TAF3: variants seen among roughly 807,000 people sequenced by gnomAD.
TAF3 encodes the protein transcription initiation factor TFIID subunit 3.
Under a neutral mutation model 80.6 loss-of-function variants are expected in TAF3, and 7 were observed. The observed-to-expected ratio is 0.09, with a 90% CI of 0.05 to 0.16. The LOEUF is 0.16. TAF3 is among the 10% of genes least tolerant of loss of function. TAF3 has a pLI of 1.00. For synonymous variants in TAF3, 444 were observed against 446.1 expected, an observed-to-expected ratio of 1.00 and a Z score of 0.06; for missense variants, 921 against 1,140.2, an observed-to-expected ratio of 0.81 and a Z score of 2.77.
At chr10:7,941,265 AT>A (rs2131206157) in intron 2 of TAF3, among the ~76,000 whole-genome samples, 1 of 152,338 alleles carries the variant, frequency 6.6e-6, no homozygotes, top group East Asian at 1.9e-4. Context: ...CCTCTCTAGT[AT>A]TTCTTTACTG....
chr10:7,884,403 TGAGA>T (rs1564356000), intron 2 of TAF3, among the ~76,000 whole-genome samples: 131 of 149,330 alleles, frequency 8.8e-4, no homozygotes, highest in Middle Eastern at 3.4e-3. Context: ...TTTTTTTTTT[TGAGA>T]TGGAGTTTTG....
At chr10:7,978,867 A>AT (rs1217070481) in intron 4 of TAF3, among the ~76,000 whole-genome samples, 2 of 152,178 alleles carry the variant, frequency 1.3e-5, no homozygotes, top group African/African-American at 4.8e-5. Flanking sequence ...CCTTTAGAGG[A>AT]ATAAGATTTG....
intron 2 of TAF3, among the ~76,000 whole-genome samples, chr10:7,908,373 T>C (rs1837625080): frequency 6.6e-6 from 1 of 152,176 alleles, no homozygotes; most frequent in Admixed American, 6.5e-5. Flanking sequence ...CATTAAAAAT[T>C]GGAAAGTCAT....
At chr10:7,855,970 A>G (rs1235829833) in intron 2 of TAF3, among the ~76,000 whole-genome samples, 3 of 151,926 alleles carry the variant, frequency 2.0e-5, no homozygotes, top group Non-Finnish European at 4.4e-5. Context: ...ATAGTTCTCT[A>G]CTAGTATTCT....
At chr10:7,821,530 G>A (rs1300018882) in intron 1 of TAF3, among the ~76,000 whole-genome samples, 1 of 152,192 alleles carries the variant, frequency 6.6e-6, no homozygotes, top group African/African-American at 2.4e-5. Flanking sequence ...TAAAAGAAAT[G>A]TTCTCAAGTT....
In TAF3 at chr10:8,003,356, G is replaced by C. The variant is rs564994344; in HGVS notation, c.2316-5722G>C. Among the ~76,000 whole-genome samples, 7 of 152,108 alleles carry C rather than the reference G, an allele frequency of 4.6e-5. No individual in the cohort carries two copies. The Middle Eastern group carries it at 0.014, about 296-fold the overall frequency. ...CCTTTACACTACAGTTTATATAATA[G>C]AGGGACATTAAAATACTTTAGCTCT... On this transcript the variant is annotated intron_variant, in intron 4 of 6. Coordinates refer to ENST00000344293, the MANE Select transcript of TAF3 (RefSeq NM_031923.4).
intron 2 of TAF3, among the ~76,000 whole-genome samples, chr10:7,836,842 A>G (rs1836856351): frequency 6.6e-6 from 1 of 152,262 alleles, no homozygotes; most frequent in Non-Finnish European, 1.5e-5. Context: ...AAATTAACAC[A>G]TCCCACATTA....
At chr10:7,832,768 T>C (rs1279854984) in intron 2 of TAF3, among the ~76,000 whole-genome samples, 1 of 152,224 alleles carries the variant, frequency 6.6e-6, no homozygotes, top group African/African-American at 2.4e-5. Flanking sequence ...CAGGCTGGTC[T>C]GAAACCCCTG....
intron 2 of TAF3, among the ~76,000 whole-genome samples, chr10:7,828,082 G>A (rs938759189): frequency 6.6e-6 from 1 of 152,154 alleles, no homozygotes; most frequent in Non-Finnish European, 1.5e-5. Context: ...AGGGGAATCG[G>A]TGTCAAGCTG....
At chr10:7,827,979 G>A (rs577292165) in intron 2 of TAF3, among the ~76,000 whole-genome samples, 1 of 152,120 alleles carries the variant, frequency 6.6e-6, no homozygotes, top group Non-Finnish European at 1.5e-5. Context: ...ACATGACAGC[G>A]AATATTAGTT....
chr10:7,866,190 T>C (rs971001643), intron 2 of TAF3, among the ~76,000 whole-genome samples: 1 of 152,228 alleles, frequency 6.6e-6, no homozygotes, highest in African/African-American at 2.4e-5. Context: ...TGGAATGAAA[T>C]TCCCTTCTTT....
At chr10:7,835,104 G>T (rs550754169) in intron 2 of TAF3, among the ~76,000 whole-genome samples, 2 of 152,204 alleles carry the variant, frequency 1.3e-5, no homozygotes, top group East Asian at 1.9e-4. Flanking sequence ...AGTTTTCTGA[G>T]CCTTTAGAAC....
chr10:7,868,208 A>C (rs976169805), intron 2 of TAF3, among the ~76,000 whole-genome samples: 4 of 152,226 alleles, frequency 2.6e-5, no homozygotes, highest in African/African-American at 9.6e-5. Context: ...TGAAATAAGA[A>C]TAATAGAAAG....
chr10:7,963,402 G>C (rs191428957), intron 2 of TAF3, among the ~76,000 whole-genome samples: 43 of 152,296 alleles, frequency 2.8e-4, no homozygotes, highest in African/African-American at 8.7e-4. Context: ...AGATCCTGAG[G>C]TTAGGGCCAG....
intron 3 of TAF3, among the ~76,000 whole-genome samples, chr10:7,969,145 A>G (rs1334456549): frequency 2.9e-5 from 1 of 35,026 alleles, no homozygotes; most frequent in African/African-American, 5.4e-5. Flanking sequence ...CTCCAAAACA[A>G]ACAAACAAAC....
chr10:7,836,648 C>T (rs1836854953), intron 2 of TAF3, among the ~76,000 whole-genome samples: 1 of 152,200 alleles, frequency 6.6e-6, no homozygotes, highest in South Asian at 2.1e-4. Context: ...TACTCAGTCA[C>T]CTAAGCTAGA....
At chr10:7,867,271 A>AC (rs1305054589) in intron 2 of TAF3, among the ~76,000 whole-genome samples, 5 of 152,102 alleles carry the variant, frequency 3.3e-5, no homozygotes, top group African/African-American at 1.2e-4. Context: ...ACACACACAC[A>AC]AAAAACAAAA....
rs536401187 is a variant in TAF3 at position 7,865,876 on chromosome 10, T to C, written c.409+41316T>C. On this transcript the variant is annotated intron_variant, in intron 2 of 6. Coordinates refer to ENST00000344293, the MANE Select transcript of TAF3 (RefSeq NM_031923.4). ...TCTAGCTGCTCCGTTTTATGTCTCT[T>C]GCATCTTGTCAGCGTTGATTTATGC... Among the ~76,000 whole-genome samples the C allele has an allele frequency of 2.6e-5, 4 of 152,324 alleles. No homozygotes were observed. In the East Asian group the frequency reaches 7.7e-4, roughly 29 times the overall value.
At chr10:7,838,908 G>A (rs377563183) in intron 2 of TAF3, among the ~76,000 whole-genome samples, 1 of 101,866 alleles carries the variant, frequency 9.8e-6, no homozygotes, top group African/African-American at 3.9e-5. Context: ...GGCATTGCTT[G>A]TTTTTTTTTT....
Sources: gnomAD v4.1 joint callset for allele counts (sites outside exome capture counted in the v4.1 genomes callset) on GRCh38, gnomAD v4.1.1 for gene constraint, MANE v1.5 for transcripts, NCBI Gene and HGNC (gene_info 2026-07-23, HGNC 2026-07-21) for gene names.